SPAG6: variants seen among roughly 807,000 people sequenced by gnomAD.
SPAG6 encodes sperm-associated antigen 6.
Under a neutral mutation model 58.5 loss-of-function variants are expected in SPAG6, and 49 were observed. The observed-to-expected ratio is 0.84, with a 90% CI of 0.67 to 1.06. SPAG6 has a LOEUF of 1.06. Ranked by LOEUF, SPAG6 falls within the 50% of genes least tolerant of loss-of-function variation. The pLI is 0.00. For missense variants in SPAG6, 560 were observed against 611.3 expected, an observed-to-expected ratio of 0.92 and a Z score of 0.89; for synonymous variants, 233 against 225.6, an observed-to-expected ratio of 1.03 and a Z score of -0.29.
chr10:22,416,149 TC>T (rs1170276485), intron 10 of SPAG6, among the ~76,000 whole-genome samples: 1 of 152,148 alleles, frequency 6.6e-6, no homozygotes, highest in Non-Finnish European at 1.5e-5. Context: ...ATTTTTGTTT[TC>T]CTAGGTGACC....
intron 4 of SPAG6, among the ~76,000 whole-genome samples, chr10:22,376,161 T>G (rs991255607): frequency 3.1e-4 from 47 of 152,240 alleles, no homozygotes; most frequent in African/African-American, 1.0e-3. Flanking sequence ...CTTGGGTATG[T>G]GACTCTACCT....
chr10:22,348,468 A>G (rs1383915969), intron 2 of SPAG6, among the ~76,000 whole-genome samples: 3 of 152,198 alleles, frequency 2.0e-5, no homozygotes, highest in African/African-American at 4.8e-5. Flanking sequence ...CCTGACTTTG[A>G]CATACTGTCT....
intron 2 of SPAG6, among the ~76,000 whole-genome samples, chr10:22,354,561 A>G (rs999371490): frequency 1.3e-5 from 2 of 152,232 alleles, no homozygotes; most frequent in East Asian, 3.8e-4. Context: ...CTATATTAAA[A>G]GCCCATTTTA....
At chr10:22,410,434 A>C (rs1024869038) in intron 9 of SPAG6, among the ~76,000 whole-genome samples, 1 of 152,114 alleles carries the variant, frequency 6.6e-6, no homozygotes, top group Non-Finnish European at 1.5e-5. Context: ...AAAGGACTCA[A>C]CTCATCCTGG....
chr10:22,392,756 T>A (rs1834210510), intron 8 of SPAG6, among the ~76,000 whole-genome samples: 1 of 152,106 alleles, frequency 6.6e-6, no homozygotes, highest in African/African-American at 2.4e-5. Context: ...GATGGCATAA[T>A]GAGATGGGAA....
At chr10:22,399,295 G>C (rs140787783) in intron 8 of SPAG6, among the ~76,000 whole-genome samples, 59 of 152,224 alleles carry the variant, frequency 3.9e-4, no homozygotes, top group African/African-American at 1.3e-3. Context: ...CCCATTTGTA[G>C]TCACTCCCTC....
At chr10:22,412,070 C>G (rs777292848) in intron 10 of SPAG6, among the ~76,000 whole-genome samples, 4 of 151,912 alleles carry the variant, frequency 2.6e-5, no homozygotes, top group Admixed American at 6.6e-5. Context: ...AGGTTGGTCT[C>G]GATATCCTGA....
intron 8 of SPAG6, among the ~76,000 whole-genome samples, chr10:22,394,246 G>GT (rs1015586844): frequency 6.6e-5 from 10 of 152,074 alleles, no homozygotes; most frequent in Non-Finnish European, 1.5e-4. Flanking sequence ...TGGAAAAGAA[G>GT]TTTTTTTCTA....
chr10:22,377,466 G>C (rs1451606729), intron 4 of SPAG6, among the ~76,000 whole-genome samples: 1 of 152,210 alleles, frequency 6.6e-6, no homozygotes, highest in African/African-American at 2.4e-5. Context: ...GAATGCAAAA[G>C]AGGTTCATTA....
chr10:22,364,845 T>C lies in SPAG6; in HGVS notation c.122-8T>C. 1.3e-6 allele frequency: 2 copies of C among 1,584,418 alleles called. No homozygotes were observed. The highest frequency in any genetic ancestry group is 1.7e-6 in the Non-Finnish European group (2 of 1,167,350). On this transcript the variant is annotated splice_region_variant and splice_polypyrimidine_tract_variant and intron_variant, in intron 2 of 10. Coordinates refer to ENST00000376624, the MANE Select transcript of SPAG6 (RefSeq NM_012443.4). ...TCCTGATTTCTGTTCTTTCATAATT[T>C]AACTCAGGTGTAATGTCTTTGCTGA...
rs375844648 is a variant in SPAG6, at chr10:22,380,293, TTTTG to T, written c.473-6437_473-6434del. On this transcript the variant is annotated intron_variant, in intron 4 of 10. Coordinates refer to ENST00000376624, the MANE Select transcript of SPAG6 (RefSeq NM_012443.4). Reference sequence around the variant, plus strand: ...AGTGGCAGCCAATTTTAAATGTAGGTTTTGTTTGTTTGTTTGTTTGTTTGTTTTG... The same window carrying T: ...AGTGGCAGCCAATTTTAAATGTAGGTTTTGTTTGTTTGTTTGTTTGTTTTG... 7.1e-3 allele frequency among the ~76,000 whole-genome samples: 1,077 copies of T among 151,776 alleles called. 10 individuals are homozygous for T. Among genetic ancestry groups the T allele is most frequent in the African/African-American group, 0.024 (1,000 of 41,366 alleles).
At chr10:22,383,662 CAGAA>C (rs1834006768) in intron 4 of SPAG6, among the ~76,000 whole-genome samples, 1 of 151,718 alleles carries the variant, frequency 6.6e-6, no homozygotes, top group East Asian at 1.9e-4. Flanking sequence ...AAAGAAAATA[CAGAA>C]AGAAAGAAGA....
At chr10:22,375,798 C>G (rs559454462) in intron 4 of SPAG6, among the ~76,000 whole-genome samples, 1 of 152,180 alleles carries the variant, frequency 6.6e-6, no homozygotes, top group African/African-American at 2.4e-5. Flanking sequence ...AGGCTCGTCT[C>G]AAACTCCTGA....
chr10:22,368,398 T>A, intron 3 of SPAG6, 97 bp from the exon 4 acceptor site: 1 of 872,262 alleles, frequency 1.1e-6, no homozygotes, highest in Non-Finnish European at 1.7e-6. Flanking sequence ...GAGCTTTATT[T>A]ATAGTAATGT....
rs1478761693 is a variant in SPAG6, at chr10:22,364,902, T to G, written c.171T>G (p.Ile57Met). ...RTLLLDVVPTIQQTAALALGR... is the reference protein window; with the variant it reads ...RTLLLDVVPTMQQTAALALGR... ...TTCTTCTGGACGTGGTCCCAACAAT[T>G]CAACAGACTGCTGCTTTGGCTCTTG... Residue 57 changes from isoleucine to methionine, a missense_variant, in exon 3 of 11, where the codon ATT (isoleucine) becomes ATG (methionine). Coordinates refer to ENST00000376624, the MANE Select transcript of SPAG6 (RefSeq NM_012443.4). 1 of 1,613,588 alleles carries G rather than the reference T, an allele frequency of 6.2e-7. No homozygotes were observed.
intron 4 of SPAG6, among the ~76,000 whole-genome samples, chr10:22,371,346 C>G (rs1469871393): frequency 6.6e-6 from 1 of 152,080 alleles, no homozygotes; most frequent in Non-Finnish European, 1.5e-5. Flanking sequence ...CTCCACCTCC[C>G]GGGTTCAAGT....
intron 4 of SPAG6, among the ~76,000 whole-genome samples, chr10:22,375,325 A>C (rs1055534146): frequency 6.6e-6 from 1 of 152,198 alleles, no homozygotes; most frequent in African/African-American, 2.4e-5. Flanking sequence ...AAACATCTAC[A>C]AGAGAGTTTG....
At chr10:22,346,736 T>G (rs1289173074) in intron 2 of SPAG6, among the ~76,000 whole-genome samples, 2 of 152,156 alleles carry the variant, frequency 1.3e-5, no homozygotes, top group Non-Finnish European at 2.9e-5. Context: ...TTGAGGGGAA[T>G]TACTACTGCA....
At chr10:22,387,030 G>T in intron 5 of SPAG6, 71 bp downstream of exon 5, 1 of 1,144,586 alleles carries the variant, frequency 8.7e-7, no homozygotes. Context: ...GTGTACACGT[G>T]AATATTTTGC....
Sources: gnomAD v4.1 joint callset for allele counts (sites outside exome capture counted in the v4.1 genomes callset) on GRCh38, gnomAD v4.1.1 for gene constraint, MANE v1.5 for transcripts, NCBI Gene and HGNC (gene_info 2026-07-23, HGNC 2026-07-21) for gene names.